Variants in BDNF observed in about 807,000 individuals in gnomAD.
BDNF encodes brain derived neurotrophic factor.
In BDNF, 1 loss-of-function variant was observed where a neutral mutation model predicts 19.5. The ratio of observed to expected loss-of-function variants is 0.05; its 90% CI spans 0.02 to 0.24. The LOEUF (loss-of-function observed/expected upper bound fraction) is 0.24, where lower values mean the gene tolerates loss of function less well. BDNF is among the 10% of genes least tolerant of loss of function. The pLI is 1.00. For synonymous variants in BDNF, 100 were observed against 121.6 expected (o/e 0.82, Z 1.17); for missense variants, 195 against 317.6 (o/e 0.61, Z 2.93).
intron 1 of BDNF, chr11:27,699,519 A>G: frequency 9.9e-6 from 16 of 1,610,144 alleles, no homozygotes; most frequent in Non-Finnish European, 1.4e-5. Context: ...CAGGATGGGT[A>G]GAGATGTGGG....
At chr11:27,685,886 G>A (rs990918094) in intron 1 of BDNF, among the ~76,000 whole-genome samples, 2 of 152,134 alleles carry the variant, frequency 1.3e-5, no homozygotes, top group East Asian at 3.9e-4. Flanking sequence ...TTGATATGGG[G>A]TGGAGAGTTC....
intron 1 of BDNF, among the ~76,000 whole-genome samples, chr11:27,718,425 T>G (rs1402727882): frequency 7.0e-6 from 1 of 143,268 alleles, no homozygotes; most frequent in Non-Finnish European, 1.5e-5. Context: ...AGATCCGTAT[T>G]TAAAACAGCA....
chr11:27,711,407 T>C (rs1469963680), intron 1 of BDNF, among the ~76,000 whole-genome samples: 1 of 152,208 alleles, frequency 6.6e-6, no homozygotes, highest in Non-Finnish European at 1.5e-5. Context: ...TGAAAATCTC[T>C]CATCGGTTAG....
intron 1 of BDNF, chr11:27,721,399 T>G (rs750602232): frequency 1.7e-5 from 28 of 1,613,982 alleles, no homozygotes; most frequent in Non-Finnish European, 2.3e-5. Context: ...ATGCAGGTTT[T>G]ATTGCTACTC....
intron 1 of BDNF, chr11:27,660,405 C>G (rs1334744274): frequency 6.5e-6 from 2 of 307,376 alleles, no homozygotes; most frequent in African/African-American, 2.3e-5. Context: ...ATACAGATGT[C>G]TATTCCGCTA....
At chr11:27,659,630 T>TGC (rs1853094440) in intron 1 of BDNF, 1 of 781,924 alleles carries the variant, frequency 1.3e-6, no homozygotes, top group African/African-American at 5.5e-5. Flanking sequence ...ATGTTCTCTC[T>TGC]GTGTGTGTGT....
intron 1 of BDNF, chr11:27,719,641 A>C (rs2134117628): frequency 1.0e-6 from 1 of 984,920 alleles, no homozygotes; most frequent in African/African-American, 1.8e-5. Flanking sequence ...AGAAGGGAAA[A>C]AAAAAAGAAA....
rs1361858658 is a variant in BDNF, at chr11:27,656,455, G to C, written c.*1366C>G. The C allele has an allele frequency of 6.1e-6, 5 of 819,780 alleles. No individual in the cohort carries two copies. The highest frequency in any genetic ancestry group is 5.9e-6 in the Non-Finnish European group (4 of 678,774). The allele number at this position is 819,780 out of a possible 1,614,324, so 50.8% of individuals were successfully genotyped here. On this transcript the variant is annotated 3_prime_UTR_variant, in exon 2 of 2. Transcript: ENST00000356660. ...AAGCAGCTTGACACATGTCATTCCA[G>C]AGCCACCTCTGAAGGGTCCTTCAGA...
At chr11:27,663,591 A>G (rs2133827905) in intron 1 of BDNF, among the ~76,000 whole-genome samples, 1 of 152,326 alleles carries the variant, frequency 6.6e-6, no homozygotes, top group South Asian at 2.1e-4. Flanking sequence ...CAGGATGGGT[A>G]TTATTATCCC....
intron 1 of BDNF, among the ~76,000 whole-genome samples, chr11:27,694,971 T>C (rs1172031188): frequency 1.3e-5 from 2 of 152,236 alleles, no homozygotes; most frequent in Non-Finnish European, 2.9e-5. Flanking sequence ...CATGCTATTC[T>C]ACATTTGGCT....
intron 1 of BDNF, among the ~76,000 whole-genome samples, chr11:27,720,003 T>C (rs1860687234): frequency 6.6e-6 from 1 of 151,710 alleles, no homozygotes; most frequent in South Asian, 2.1e-4. Flanking sequence ...TAATTAGTAA[T>C]GAATCTACTG....
intron 1 of BDNF, among the ~76,000 whole-genome samples, chr11:27,672,827 T>G (rs574120313): frequency 1.3e-5 from 2 of 152,280 alleles, no homozygotes; most frequent in South Asian, 4.2e-4. Flanking sequence ...TAACATTTTT[T>G]AAGTTGAACA....
chr11:27,683,897 T>C (rs1324641346), intron 1 of BDNF, among the ~76,000 whole-genome samples: 1 of 152,240 alleles, frequency 6.6e-6, no homozygotes, highest in Non-Finnish European at 1.5e-5. Flanking sequence ...GGCTGTTTTT[T>C]GGTTCCATAT....
upstream of BDNF, chr11:27,701,163 G>T (rs1256326772): frequency 8.3e-7 from 1 of 1,204,694 alleles, no homozygotes; most frequent in African/African-American, 1.6e-5. Context: ...ATTGATGAAC[G>T]CCCCCAGATA....
chr11:27,661,625 A>G (rs1477114052), intron 1 of BDNF, among the ~76,000 whole-genome samples: 1 of 152,130 alleles, frequency 6.6e-6, no homozygotes, highest in African/African-American at 2.4e-5. Flanking sequence ...ATTCTCTTAC[A>G]CAAAAACTGG....
At chr11:27,684,068 T>C (rs10767662) in intron 1 of BDNF, among the ~76,000 whole-genome samples, 72,554 of 151,972 alleles carry the variant, frequency 0.48, 17,534 homozygotes, top group Admixed American at 0.54. Context: ...GTTTGTGTCC[T>C]CTCTTATTTC....
rs572664421 is a variant in BDNF, at chr11:27,719,133, G to A, written c.3+2279C>T. Among the ~76,000 whole-genome samples, 205 of 152,334 alleles carry A rather than the reference G, an allele frequency of 1.3e-3. 1 individual carries two copies. Among genetic ancestry groups the A allele is most frequent in the African/African-American group, 4.6e-3 (191 of 41,584 alleles). On this transcript the variant is annotated intron_variant, in intron 1 of 1. Transcript: ENST00000314915. ...CGTTCCGGCAGTTCGCTGTCCCCCGGGGGTGCAGGCGGGGGCGGGAGAGGT... is the reference window on the plus strand; with the variant it reads ...CGTTCCGGCAGTTCGCTGTCCCCCGAGGGTGCAGGCGGGGGCGGGAGAGGT...
At chr11:27,660,666 C>A (rs1047366264) in intron 1 of BDNF, among the ~76,000 whole-genome samples, 1 of 151,790 alleles carries the variant, frequency 6.6e-6, no homozygotes, top group Non-Finnish European at 1.5e-5. Context: ...TTTTTTAATA[C>A]CATATTTAAT....
chr11:27,691,957 T>C (rs1590406971), intron 1 of BDNF, among the ~76,000 whole-genome samples: 2 of 152,210 alleles, frequency 1.3e-5, no homozygotes, highest in African/African-American at 4.8e-5. Context: ...CAAAAGTTAA[T>C]TTCTTAAGCA....
Sources: allele counts gnomAD v4.1 joint callset (sites outside exome capture counted in the v4.1 genomes callset), GRCh38; gene constraint gnomAD v4.1.1; transcripts MANE v1.5; gene names NCBI Gene and HGNC (gene_info 2026-07-23, HGNC 2026-07-21).